Variants in USP34 observed in about 807,000 individuals in gnomAD.
The protein encoded by USP34 is ubiquitin specific peptidase 34.
A neutral mutation model predicts 460.3 loss-of-function variants in USP34; 70 were observed. The ratio of observed to expected loss-of-function variants is 0.15; its 90% CI spans 0.13 to 0.19. USP34 has a LOEUF of 0.19. USP34 is among the 10% of genes least tolerant of loss of function. The pLI is 1.00. For synonymous variants in USP34, 1,647 were observed against 1,405.3 expected (o/e 1.17, Z -3.85); for missense variants, 3,985 against 4,236.2 (o/e 0.94, Z 1.65).
At chr2:61,364,487 G>A (rs991078646) in intron 10 of USP34, among the ~76,000 whole-genome samples, 1 of 152,158 alleles carries the variant, frequency 6.6e-6, no homozygotes, top group Admixed American at 6.5e-5. Flanking sequence ...TACAGATAGT[G>A]GTGATAGTTA....
intron 75 of USP34, among the ~76,000 whole-genome samples, chr2:61,199,046 T>G (rs1204248515): frequency 6.6e-6 from 1 of 152,238 alleles, no homozygotes; most frequent in Non-Finnish European, 1.5e-5. Flanking sequence ...CTGTTAAGTA[T>G]GCAAACATTT....
At chr2:61,305,897 G>C (rs1270284074) in intron 27 of USP34, among the ~76,000 whole-genome samples, 1 of 152,126 alleles carries the variant, frequency 6.6e-6, no homozygotes, top group Admixed American at 6.5e-5. Context: ...TAAAACAGAA[G>C]TGTCTGTTCA....
chr2:61,455,280 G>C (rs1031176753), intron 1 of USP34, among the ~76,000 whole-genome samples: 1 of 152,090 alleles, frequency 6.6e-6, no homozygotes, highest in Non-Finnish European at 1.5e-5. Flanking sequence ...CCGGGTTCAA[G>C]CAATTCTCAT....
chr2:61,396,804 A>G (rs1457135677), intron 3 of USP34, among the ~76,000 whole-genome samples: 1 of 152,206 alleles, frequency 6.6e-6, no homozygotes, highest in Non-Finnish European at 1.5e-5. Context: ...CTTAAAAATA[A>G]TAAGGTGAAA....
chr2:61,205,694 A>AT (rs1687099669), intron 72 of USP34, among the ~76,000 whole-genome samples: 1 of 152,214 alleles, frequency 6.6e-6, no homozygotes, highest in Non-Finnish European at 1.5e-5. Flanking sequence ...ATCCTTTAGA[A>AT]TGTCAGTTCT....
chr2:61,197,574 C>G (rs920809746), intron 75 of USP34, among the ~76,000 whole-genome samples: 1 of 152,182 alleles, frequency 6.6e-6, no homozygotes, highest in African/African-American at 2.4e-5. Flanking sequence ...CATCTGCCAT[C>G]ACCTGTACTA....
intron 53 of USP34, among the ~76,000 whole-genome samples, chr2:61,239,751 G>A (rs1473602453): frequency 1.3e-5 from 2 of 152,148 alleles, no homozygotes; most frequent in East Asian, 1.9e-4. Flanking sequence ...GAACAATCCT[G>A]TAATCCCAGC....
In USP34 at chr2:61,187,855, C is replaced by T; in HGVS notation, c.*247G>A. 1 of 1,283,132 alleles carries T rather than the reference C, an allele frequency of 7.8e-7. No individual in the cohort carries two copies. The highest frequency in any genetic ancestry group is 1.0e-6 in the Non-Finnish European group (1 of 997,594). 79.5% of individuals were successfully genotyped at this position (1,283,132 alleles called of 1,614,324 possible). A position where few individuals can be genotyped will look rare whatever the true frequency, so the allele number is the denominator to read the frequency against. ...AGACAGCCATATTAAATGAAAGCCA[C>T]TAAAGTGAACTCTTAATTACATAAA... On this transcript the variant is annotated 3_prime_UTR_variant, in exon 80 of 80. Transcript: ENST00000398571.
chr2:61,335,116 A>C (rs1691377933), intron 18 of USP34, among the ~76,000 whole-genome samples: 1 of 152,236 alleles, frequency 6.6e-6, no homozygotes. Context: ...TAAATTAATA[A>C]AACACAGAAT....
At chr2:61,232,557 CTT>C in intron 57 of USP34, 25 bp from the exon 58 acceptor site, 1 of 1,548,416 alleles carries the variant, frequency 6.5e-7, no homozygotes, top group Non-Finnish European at 8.8e-7. Context: ...TACAGCATGA[CTT>C]TAACATTCAA....
At chr2:61,341,901 G>A (rs968620293) in intron 16 of USP34, among the ~76,000 whole-genome samples, 2 of 150,620 alleles carry the variant, frequency 1.3e-5, no homozygotes, top group Non-Finnish European at 3.0e-5. Flanking sequence ...TAGCTGGGAC[G>A]ACAGGTGCCC....
At chr2:61,414,064 C>T (rs1694126452) in intron 2 of USP34, among the ~76,000 whole-genome samples, 1 of 152,126 alleles carries the variant, frequency 6.6e-6, no homozygotes, top group African/African-American at 2.4e-5. Flanking sequence ...TCGAGACCAG[C>T]CTGGGCAACA....
intron 61 of USP34, among the ~76,000 whole-genome samples, 168 bp from the exon 62 acceptor site, chr2:61,227,386 GAC>G (rs1168447976): frequency 2.0e-5 from 3 of 152,044 alleles, no homozygotes; most frequent in Non-Finnish European, 1.5e-5. Context: ...CCACATTCAG[GAC>G]AATCTTAGAT....
intron 7 of USP34, 35 bp downstream of exon 7, chr2:61,380,134 A>G (rs775083834): frequency 1.3e-6 from 2 of 1,585,072 alleles, no homozygotes; most frequent in Middle Eastern, 1.7e-4. Flanking sequence ...GAAAACAAAT[A>G]AACGATGACC....
At chr2:61,240,152 T>A (rs1200080773) in intron 53 of USP34, among the ~76,000 whole-genome samples, 2 of 152,178 alleles carry the variant, frequency 1.3e-5, no homozygotes, top group African/African-American at 4.8e-5. Context: ...TGCTTTTTTG[T>A]GTTTTTGGCT....
At chr2:61,220,822 A>C (rs1328080889) in intron 66 of USP34, among the ~76,000 whole-genome samples, 3 of 152,196 alleles carry the variant, frequency 2.0e-5, no homozygotes, top group Admixed American at 6.5e-5. Context: ...CCTGGTACTA[A>C]GTGAGAATAC....
chr2:61,435,990 T>C (rs1211965786), intron 1 of USP34, among the ~76,000 whole-genome samples: 1 of 150,846 alleles, frequency 6.6e-6, no homozygotes. Flanking sequence ...ATCACCCCAT[T>C]GCACTCCAGC....
chr2:61,204,310 A>G lies in USP34; in HGVS notation c.9330T>C (p.Pro3110=), dbSNP rs1365969784. ...GGCACATATTGAGTTCAGGGCGCGG[A>G]GGCCGAATATTGCTTTTCCCTCCTA... ...KLIGGKSNIR[P]PRPELNMCLL... Residue 3110 remains proline (P), a synonymous_variant, in exon 74 of 80, where the codon CCT becomes CCC. Transcript: ENST00000398571. 2 of 1,614,222 alleles carry G rather than the reference A, an allele frequency of 1.2e-6. No homozygotes were observed. The highest frequency in any genetic ancestry group is 1.7e-6 in the Non-Finnish European group (2 of 1,180,046).
At chr2:61,227,274 G>C (rs1687753371) in intron 61 of USP34, 56 bp from the exon 62 acceptor site, 6 of 1,537,464 alleles carry the variant, frequency 3.9e-6, no homozygotes, top group Admixed American at 2.0e-5. Context: ...ATCATTTTGA[G>C]AACAAATGAC....
Sources: allele counts gnomAD v4.1 joint callset (sites outside exome capture counted in the v4.1 genomes callset), GRCh38; gene constraint gnomAD v4.1.1; transcripts MANE v1.5; gene names NCBI Gene and HGNC (gene_info 2026-07-23, HGNC 2026-07-21).